The following NPAS3 variants were observed in gnomAD, a reference collection of about 807,000 sequenced individuals.
The protein encoded by NPAS3 is neuronal PAS domain-containing protein 3.
In NPAS3, 14 loss-of-function variants were observed where a neutral mutation model predicts 73.1. The ratio of observed to expected loss-of-function variants is 0.19; its 90% CI spans 0.13 to 0.30. The LOEUF is 0.30. Among genes scored for constraint, NPAS3 ranks in the 10% least tolerant of loss-of-function variants. NPAS3 has a pLI of 1.00. For synonymous variants in NPAS3, 620 were observed against 541.5 expected (o/e 1.14, Z -2.01); for missense variants, 1,096 against 1,250.0 (o/e 0.88, Z 1.86).
At chr14:33,088,082 G>C (rs8021026) in intron 2 of NPAS3, among the ~76,000 whole-genome samples, 91,523 of 152,002 alleles carry the variant, frequency 0.6, 27,846 homozygotes, top group Admixed American at 0.71. Flanking sequence ...GGAATAGGAA[G>C]AGCTCCAGTC....
intron 2 of NPAS3, among the ~76,000 whole-genome samples, chr14:33,209,475 A>C (rs1566679544): frequency 6.6e-6 from 1 of 152,082 alleles, no homozygotes; most frequent in Non-Finnish European, 1.5e-5. Flanking sequence ...AAGTGTAGGT[A>C]CTGGAGTAAC....
rs752158701 is a variant in NPAS3, at chr14:33,280,870, A to T, written c.385+65444A>T. 8.6e-4 allele frequency among the ~76,000 whole-genome samples: 131 copies of T among 152,168 alleles called. 1 individual carries two copies. Among genetic ancestry groups the T allele is most frequent in the Non-Finnish European group, 1.0e-3 (68 of 68,022 alleles). On this transcript the variant is annotated intron_variant, in intron 3 of 11. Transcript: ENST00000356141. ...GTGCCAGGAGATACTCTGCCCATCA[A>T]AGCTCATCATTAGCGTGTCATGCAG...
intron 2 of NPAS3, among the ~76,000 whole-genome samples, chr14:33,206,562 A>G (rs2046830258): frequency 6.6e-6 from 1 of 152,178 alleles, no homozygotes; most frequent in Non-Finnish European, 1.5e-5. Context: ...AGTGTAGGCT[A>G]CTACCTTCCA....
chr14:33,290,714 G>C (rs541710821), intron 3 of NPAS3, among the ~76,000 whole-genome samples: 1 of 152,282 alleles, frequency 6.6e-6, no homozygotes, highest in East Asian at 1.9e-4. Context: ...TTTTAAAGGT[G>C]GTTTGCTTTC....
intron 2 of NPAS3, among the ~76,000 whole-genome samples, chr14:33,205,553 A>T (rs1003707499): frequency 6.6e-6 from 1 of 152,186 alleles, no homozygotes; most frequent in African/African-American, 2.4e-5. Flanking sequence ...TGAAATAACA[A>T]TGTGTCTTAA....
intron 4 of NPAS3, among the ~76,000 whole-genome samples, chr14:33,526,175 C>T (rs1168831301): frequency 6.6e-6 from 1 of 152,096 alleles, no homozygotes; most frequent in Non-Finnish European, 1.5e-5. Flanking sequence ...CACTCATGAC[C>T]TTTCATAACT....
intron 3 of NPAS3, among the ~76,000 whole-genome samples, chr14:33,263,701 T>G (rs893634862): frequency 1.3e-5 from 2 of 152,160 alleles, no homozygotes; most frequent in Non-Finnish European, 2.9e-5. Context: ...AATCTATAAA[T>G]TATCTTGGGT....
chr14:33,171,262 G>A (rs1377149499), intron 2 of NPAS3, among the ~76,000 whole-genome samples: 2 of 152,196 alleles, frequency 1.3e-5, no homozygotes, highest in Non-Finnish European at 2.9e-5. Context: ...AAACCATGGT[G>A]TAAACATTGT....
intron 6 of NPAS3, among the ~76,000 whole-genome samples, chr14:33,688,084 C>T (rs1595442615): frequency 6.6e-6 from 1 of 151,786 alleles, no homozygotes; most frequent in East Asian, 1.9e-4. Flanking sequence ...CTTTTTTTTT[C>T]CAACTCTAAT....
At chr14:33,787,302 A>C (rs993331062) in intron 9 of NPAS3, among the ~76,000 whole-genome samples, 1 of 152,198 alleles carries the variant, frequency 6.6e-6, no homozygotes, top group Non-Finnish European at 1.5e-5. Context: ...TTATTTTTTA[A>C]GCTTAACAAA....
intron 7 of NPAS3, among the ~76,000 whole-genome samples, chr14:33,745,586 T>G (rs1236049864): frequency 6.6e-6 from 1 of 152,228 alleles, no homozygotes; most frequent in Non-Finnish European, 1.5e-5. Context: ...CATGTCTACA[T>G]GTGAAATTTC....
At chr14:33,253,315 G>A (rs372922807) in intron 3 of NPAS3, among the ~76,000 whole-genome samples, 58 of 152,060 alleles carry the variant, frequency 3.8e-4, no homozygotes, top group Middle Eastern at 6.8e-3. Flanking sequence ...AGGAAAGTGA[G>A]GCACAGAGTG....
intron 1 of NPAS3, among the ~76,000 whole-genome samples, chr14:32,957,002 A>T (rs1312874520): frequency 6.6e-6 from 1 of 152,172 alleles, no homozygotes; most frequent in Non-Finnish European, 1.5e-5. Flanking sequence ...CAATATAACC[A>T]TGAATGGCTA....
At chr14:33,487,062 G>T (rs560074812) in intron 4 of NPAS3, among the ~76,000 whole-genome samples, 1 of 152,198 alleles carries the variant, frequency 6.6e-6, no homozygotes, top group African/African-American at 2.4e-5. Context: ...AAAATAATTG[G>T]TACGTATTTC....
chr14:33,588,825 CA>C (rs1264583732), intron 5 of NPAS3, among the ~76,000 whole-genome samples: 1 of 152,116 alleles, frequency 6.6e-6, no homozygotes, highest in African/African-American at 2.4e-5. Flanking sequence ...CCATGTTGGC[CA>C]AGCTGGTTTC....
chr14:33,594,265 A>G (rs2057164422), intron 5 of NPAS3, among the ~76,000 whole-genome samples: 2 of 151,846 alleles, frequency 1.3e-5, no homozygotes, highest in African/African-American at 4.8e-5. Flanking sequence ...TGTAATTGCT[A>G]TTATTGTTTG....
intron 4 of NPAS3, among the ~76,000 whole-genome samples, chr14:33,524,923 A>G (rs1400027856): frequency 7.2e-5 from 11 of 152,186 alleles, no homozygotes; most frequent in African/African-American, 2.7e-4. Context: ...ATTATGGCCC[A>G]AACTAATAAC....
chr14:33,190,239 C>T (rs2046120411), intron 2 of NPAS3, among the ~76,000 whole-genome samples: 2 of 152,112 alleles, frequency 1.3e-5, no homozygotes, highest in South Asian at 4.1e-4. Flanking sequence ...TCTGTATGTG[C>T]TAATGATGCC....
chr14:33,609,210 A>G (rs536828747), intron 5 of NPAS3, among the ~76,000 whole-genome samples: 1 of 152,372 alleles, frequency 6.6e-6, no homozygotes, highest in African/African-American at 2.4e-5. Flanking sequence ...CTCTTTATAA[A>G]AAATGCTAAT....
Sources: gnomAD v4.1 joint callset for allele counts (sites outside exome capture counted in the v4.1 genomes callset) on GRCh38, gnomAD v4.1.1 for gene constraint, MANE v1.5 for transcripts, NCBI Gene and HGNC (gene_info 2026-07-23, HGNC 2026-07-21) for gene names.